The following GPD2 variants were observed in gnomAD, a reference collection of about 807,000 sequenced individuals.
GPD2 encodes the protein glycerol-3-phosphate dehydrogenase 2.
A neutral mutation model predicts 82.4 loss-of-function variants in GPD2; 54 were observed. The observed-to-expected ratio is 0.66, with a 90% CI of 0.53 to 0.82. GPD2 has a LOEUF of 0.82. GPD2 is among the 40% of genes least tolerant of loss of function. The pLI, the probability that GPD2 is intolerant of heterozygous loss-of-function variation, is 0.00. For synonymous variants in GPD2, 288 were observed against 306.1 expected (o/e 0.94, Z 0.62); for missense variants, 748 against 896.2 (o/e 0.83, Z 2.11).
At chr2:156,515,649 G>T (rs1184868205) in intron 6 of GPD2, among the ~76,000 whole-genome samples, 1 of 152,150 alleles carries the variant, frequency 6.6e-6, no homozygotes, top group Non-Finnish European at 1.5e-5. Context: ...GCAAAATTAT[G>T]AGCTTAGCAA....
chr2:156,432,748 A>G (rs886811791), upstream of GPD2, among the ~76,000 whole-genome samples: 7 of 152,234 alleles, frequency 4.6e-5, no homozygotes, highest in Non-Finnish European at 8.8e-5. Flanking sequence ...ATTCAAGTCA[A>G]TAGTTGAGAT....
At chr2:156,580,182 T>G (rs1687979086) in intron 16 of GPD2, among the ~76,000 whole-genome samples, 1 of 152,214 alleles carries the variant, frequency 6.6e-6, no homozygotes, top group Non-Finnish European at 1.5e-5. Flanking sequence ...TTTCTAATCT[T>G]TTATGTAGAA....
intron 1 of GPD2, among the ~76,000 whole-genome samples, chr2:156,454,703 G>A (rs1244604460): frequency 3.3e-5 from 5 of 152,088 alleles, no homozygotes; most frequent in African/African-American, 1.2e-4. Context: ...TGGGAGGGAG[G>A]GAGGCCTGGG....
At chr2:156,470,934 T>G (rs1310342379) in intron 1 of GPD2, among the ~76,000 whole-genome samples, 1 of 152,248 alleles carries the variant, frequency 6.6e-6, no homozygotes, top group East Asian at 1.9e-4. Flanking sequence ...AGGCAAAATT[T>G]TCCCAAGTAC....
At chr2:156,505,936 CAG>C (rs1174052298) in intron 3 of GPD2, among the ~76,000 whole-genome samples, 1 of 152,102 alleles carries the variant, frequency 6.6e-6, no homozygotes, top group African/African-American at 2.4e-5. Flanking sequence ...AGAATTGAAA[CAG>C]AAAGGGACAG....
Position 156,500,779 on chromosome 2 carries a change from T to C in GPD2, c.274+4564T>C, listed in dbSNP as rs143619490. Among the ~76,000 whole-genome samples the C allele has an allele frequency of 6.6e-3, 1,004 of 152,332 alleles. 13 individuals carry two copies. Among genetic ancestry groups the C allele is most frequent in the African/African-American group, 0.023 (960 of 41,578 alleles). On this transcript the variant is annotated intron_variant, in intron 3 of 16. Coordinates refer to ENST00000438166, the MANE Select transcript of GPD2 (RefSeq NM_000408.5). ...TCATGGAGTCTTCATAATGAACATT[T>C]ATTTGCATTCTTATCATCTGCATTT... is the stretch of plus-strand genomic sequence containing the variant.
At chr2:156,454,550 T>C (rs1221592730) in intron 1 of GPD2, among the ~76,000 whole-genome samples, 4 of 151,806 alleles carry the variant, frequency 2.6e-5, no homozygotes, top group Non-Finnish European at 4.4e-5. Flanking sequence ...GGGAAAATAG[T>C]GTTATTAGTG....
intron 2 of GPD2, among the ~76,000 whole-genome samples, chr2:156,484,060 T>G (rs527416099): frequency 2.0e-5 from 3 of 151,948 alleles, no homozygotes; most frequent in African/African-American, 7.2e-5. Flanking sequence ...CTAGACTTTC[T>G]TGTTCTCCCA....
chr2:156,544,546 C>T (rs1686455480), intron 6 of GPD2, among the ~76,000 whole-genome samples: 1 of 152,106 alleles, frequency 6.6e-6, no homozygotes, highest in Non-Finnish European at 1.5e-5. Flanking sequence ...CTAACGGAAG[C>T]GTACGATTTC....
Position 156,558,765 on chromosome 2 carries a change from CTTTTTTTTTTTTTTTT to C in GPD2, c.1165+1199_1165+1214del, listed in dbSNP as rs34524248. Reference sequence around the variant, plus strand: ...GGTGCCCACCACCACGCCCAGCTAACTTTTTTTTTTTTTTTTTTTTTTTTTTTTTTTAAGTAGAGAC... The same window carrying C: ...GGTGCCCACCACCACGCCCAGCTAACTTTTTTTTTTTTTTTAAGTAGAGAC... On this transcript the variant is annotated intron_variant, in intron 9 of 16. Transcript: ENST00000438166. Among the ~76,000 whole-genome samples the C allele has an allele frequency of 2.2e-3, 88 of 40,900 alleles. 2 individuals are homozygous for C. The highest frequency in any genetic ancestry group is 8.3e-3 in the African/African-American group (77 of 9,238). 26.8% of individuals were successfully genotyped at this position (40,900 alleles called of 152,430 possible). A position where few individuals can be genotyped will look rare whatever the true frequency, so the allele number is the denominator to read the frequency against.
At position 156,532,978 on chromosome 2, in the gene GPD2, G is replaced by T. The variant is rs192741568; in HGVS notation, c.662-16630G>T. The stretch of plus-strand genomic sequence containing the variant: ...TAGAAGAGCTATGTCAGCAGGTGAG[G>T]CCTAAAGCCTAAAGGCCTGAGGGGT... On this transcript the variant is annotated intron_variant, in intron 6 of 16. Transcript: ENST00000438166. Among the ~76,000 whole-genome samples, 709 of 152,306 alleles carry T rather than the reference G, an allele frequency of 4.7e-3. 6 individuals carry two copies. The highest frequency in any genetic ancestry group is 5.6e-3 in the Non-Finnish European group (379 of 68,014).
At chr2:156,428,619 C>T in the GPD2 span, among the ~76,000 whole-genome samples, 4 of 152,170 alleles carry the variant, frequency 2.6e-5, no homozygotes, top group Non-Finnish European at 5.9e-5. Flanking sequence ...AGGAAGGGAA[C>T]AGGATTATTT....
intron 6 of GPD2, among the ~76,000 whole-genome samples, chr2:156,525,997 A>T (rs1271935825): frequency 2.0e-5 from 3 of 152,082 alleles, no homozygotes; most frequent in African/African-American, 7.2e-5. Context: ...TTATATGTAC[A>T]CTTGTTTTTG....
chr2:156,473,969 C>T (rs1194773694), intron 1 of GPD2, among the ~76,000 whole-genome samples: 3 of 151,960 alleles, frequency 2.0e-5, no homozygotes, highest in Non-Finnish European at 2.9e-5. Context: ...AGCAAAGGGA[C>T]AGTAAAGAAG....
intron 1 of GPD2, among the ~76,000 whole-genome samples, chr2:156,471,857 G>A (rs1210845496): frequency 6.6e-6 from 1 of 152,154 alleles, no homozygotes; most frequent in Non-Finnish European, 1.5e-5. Context: ...ATTGCTTGTG[G>A]GCAGTTAGTT....
chr2:156,548,930 C>T lies in GPD2; in HGVS notation c.662-678C>T, dbSNP rs749873381. Among the ~76,000 whole-genome samples, 108 of 152,164 alleles carry T rather than the reference C, an allele frequency of 7.1e-4. 1 individual carries two copies. Among genetic ancestry groups the T allele is most frequent in the African/African-American group, 2.6e-3 (106 of 41,502 alleles). The stretch of plus-strand genomic sequence containing the variant: ...AGTGCTTAATCATCTTTCCCCCCTT[C>T]TCCTCCCCCTTAGTTTTCTTTAACT... On this transcript the variant is annotated intron_variant, in intron 6 of 16. Coordinates refer to ENST00000438166, the MANE Select transcript of GPD2 (RefSeq NM_000408.5).
At chr2:156,464,789 A>C (rs1415482017) in intron 1 of GPD2, among the ~76,000 whole-genome samples, 2 of 152,152 alleles carry the variant, frequency 1.3e-5, no homozygotes, top group Admixed American at 1.3e-4. Flanking sequence ...ACTTCCCCAA[A>C]TATATTTCTA....
the GPD2 span, among the ~76,000 whole-genome samples, chr2:156,423,870 G>T: frequency 6.6e-6 from 1 of 152,152 alleles, no homozygotes; most frequent in Non-Finnish European, 1.5e-5. Context: ...AAGAGCAGTA[G>T]CCAGTAAGTG....
At chr2:156,469,122 C>G (rs140918526) in intron 1 of GPD2, among the ~76,000 whole-genome samples, 1 of 152,108 alleles carries the variant, frequency 6.6e-6, no homozygotes, top group African/African-American at 2.4e-5. Context: ...ACATGATGTC[C>G]TCCAGTTTTA....
Sources: allele counts gnomAD v4.1 joint callset (sites outside exome capture counted in the v4.1 genomes callset), GRCh38; gene constraint gnomAD v4.1.1; transcripts MANE v1.5; gene names NCBI Gene and HGNC (gene_info 2026-07-23, HGNC 2026-07-21).